The following LHFPL6 variants were observed in gnomAD, a reference collection of about 807,000 sequenced individuals.
LHFPL6 encodes LHFPL tetraspan subfamily member 6.
Under a neutral mutation model 20.6 loss-of-function variants are expected in LHFPL6, and 9 were observed. The observed-to-expected ratio is 0.44, with a 90% CI of 0.26 to 0.76. The LOEUF is 0.76. Among genes scored for constraint, LHFPL6 ranks in the 30% least tolerant of loss-of-function variants. The pLI, the probability that LHFPL6 is intolerant of heterozygous loss-of-function variation, is 0.20. For missense variants in LHFPL6, 218 were observed against 253.5 expected (o/e 0.86, Z 0.95); for synonymous variants, 105 against 98.7 (o/e 1.06, Z -0.38).
chr13:39,524,831 G>A (rs1870237240), intron 2 of LHFPL6, among the ~76,000 whole-genome samples: 1 of 152,168 alleles, frequency 6.6e-6, no homozygotes. Context: ...TGTGCTAAAT[G>A]TTATGAGGAA....
At chr13:39,502,925 C>T (rs951224521) in intron 2 of LHFPL6, among the ~76,000 whole-genome samples, 2 of 152,054 alleles carry the variant, frequency 1.3e-5, no homozygotes, top group Admixed American at 1.3e-4. Flanking sequence ...CAAGGTCTTG[C>T]TCTGTCACCC....
At chr13:39,502,107 A>G (rs1397466999) in intron 2 of LHFPL6, among the ~76,000 whole-genome samples, 3 of 152,140 alleles carry the variant, frequency 2.0e-5, no homozygotes, top group Admixed American at 6.5e-5. Context: ...CAGGCCCTAC[A>G]TGGCTCCCAT....
intron 3 of LHFPL6, among the ~76,000 whole-genome samples, chr13:39,347,447 G>A (rs1038221914): frequency 6.6e-6 from 1 of 152,226 alleles, no homozygotes; most frequent in Non-Finnish European, 1.5e-5. Context: ...CATTTTAAGA[G>A]TAACTCGTGT....
intron 3 of LHFPL6, among the ~76,000 whole-genome samples, chr13:39,347,414 T>C (rs1869439301): frequency 6.6e-6 from 1 of 152,228 alleles, no homozygotes; most frequent in Non-Finnish European, 1.5e-5. Flanking sequence ...AGGCAGCTAA[T>C]ACCTGAAAAA....
intron 2 of LHFPL6, among the ~76,000 whole-genome samples, chr13:39,476,871 G>A (rs1873097100): frequency 6.6e-6 from 1 of 152,172 alleles, no homozygotes; most frequent in Non-Finnish European, 1.5e-5. Flanking sequence ...GTGGGTTTTT[G>A]GGGCCTCATT....
rs150092700 is a variant in LHFPL6 at position 39,398,085 on chromosome 13, G to A, written c.386-19559C>T. 1.6e-3 allele frequency among the ~76,000 whole-genome samples: 248 copies of A among 152,276 alleles called. 1 individual carries two copies. Among genetic ancestry groups the A allele is most frequent in the Non-Finnish European group, 2.7e-3 (184 of 68,024 alleles). On this transcript the variant is annotated intron_variant, in intron 2 of 3. Coordinates refer to ENST00000379589, the MANE Select transcript of LHFPL6 (RefSeq NM_005780.3). Reference sequence around the variant, plus strand: ...TTGGCCAGTCTTCAGGGTGTGTTCCGTGGGCCCTCCTCCGAGGACTGCATG... The same window carrying A: ...TTGGCCAGTCTTCAGGGTGTGTTCCATGGGCCCTCCTCCGAGGACTGCATG...
chr13:39,440,862 A>C (rs536715306), intron 2 of LHFPL6, among the ~76,000 whole-genome samples: 1 of 152,296 alleles, frequency 6.6e-6, no homozygotes, highest in Admixed American at 6.5e-5. Flanking sequence ...TGTTCTCATG[A>C]TAGTGAATGA....
chr13:39,491,184 C>T (rs1456939541), intron 2 of LHFPL6, among the ~76,000 whole-genome samples: 2 of 152,152 alleles, frequency 1.3e-5, no homozygotes, highest in Non-Finnish European at 2.9e-5. Context: ...ATAAGGTTTA[C>T]AAATTTGGAG....
chr13:39,535,456 T>A (rs1441897992), intron 2 of LHFPL6, among the ~76,000 whole-genome samples: 1 of 152,222 alleles, frequency 6.6e-6, no homozygotes, highest in Non-Finnish European at 1.5e-5. Flanking sequence ...GTACAACAAT[T>A]TTAAAGATTA....
At chr13:39,574,237 C>G (rs1160961318) in intron 2 of LHFPL6, among the ~76,000 whole-genome samples, 1 of 152,152 alleles carries the variant, frequency 6.6e-6, no homozygotes, top group Non-Finnish European at 1.5e-5. Flanking sequence ...AATCCCAGCA[C>G]TTTGGGAGGC....
intron 3 of LHFPL6, among the ~76,000 whole-genome samples, chr13:39,364,665 T>A (rs879232428): frequency 9.2e-5 from 14 of 152,118 alleles, no homozygotes; most frequent in African/African-American, 2.7e-4. Flanking sequence ...TCTTTTTTTT[T>A]AATTAACTGT....
In LHFPL6 at chr13:39,435,749, A is replaced by G. The variant is rs564881559; in HGVS notation, c.386-57223T>C. ...AGTTTTGGTGTGACATCAAAGAAGA[A>G]TATTCAAAATTATCTCAAAATGCTA... is the stretch of plus-strand genomic sequence containing the variant. On this transcript the variant is annotated intron_variant, in intron 2 of 3. Coordinates refer to ENST00000379589, the MANE Select transcript of LHFPL6 (RefSeq NM_005780.3). Among the ~76,000 whole-genome samples, 117 of 152,292 alleles carry G rather than the reference A, an allele frequency of 7.7e-4. 3 individuals are homozygous for G. Among genetic ancestry groups the G allele is most frequent in the African/African-American group, 2.4e-3 (101 of 41,570 alleles).
intron 2 of LHFPL6, among the ~76,000 whole-genome samples, chr13:39,508,449 C>T (rs1469179721): frequency 6.6e-6 from 1 of 152,208 alleles, no homozygotes; most frequent in African/African-American, 2.4e-5. Flanking sequence ...GATCACATTT[C>T]CTCATACTAC....
At chr13:39,511,466 T>TAAAAAAAAA (rs67885553) in intron 2 of LHFPL6, among the ~76,000 whole-genome samples, 2 of 140,828 alleles carry the variant, frequency 1.4e-5, no homozygotes, top group Non-Finnish European at 3.1e-5. Flanking sequence ...TTTAAATTCT[T>TAAAAAAAAA]AAAAAAAAAA....
At chr13:39,441,823 C>CTTTT (rs1168860757) in intron 2 of LHFPL6, among the ~76,000 whole-genome samples, 38 of 110,044 alleles carry the variant, frequency 3.5e-4, no homozygotes, top group African/African-American at 5.6e-4. Flanking sequence ...TGGGCTAAAA[C>CTTTT]TTTTTTTTTT....
At chr13:39,441,597 T>C (rs1330418803) in intron 2 of LHFPL6, among the ~76,000 whole-genome samples, 4 of 151,910 alleles carry the variant, frequency 2.6e-5, no homozygotes, top group African/African-American at 9.7e-5. Flanking sequence ...CCTGCAGCCT[T>C]GACCTCCTGG....
chr13:39,566,547 C>T (rs892769697), intron 2 of LHFPL6, among the ~76,000 whole-genome samples: 2 of 151,634 alleles, frequency 1.3e-5, no homozygotes, highest in East Asian at 3.9e-4. Flanking sequence ...TTGAGACGAG[C>T]CTAGGCAACA....
chr13:39,415,500 GAA>G (rs71077296), intron 2 of LHFPL6, among the ~76,000 whole-genome samples: 8,985 of 145,200 alleles, frequency 0.062, 400 homozygotes, highest in East Asian at 0.22. Flanking sequence ...TAAAAATACT[GAA>G]AAAAAAAAAA....
At chr13:39,480,483 G>A (rs115637134) in intron 2 of LHFPL6, among the ~76,000 whole-genome samples, 1 of 152,308 alleles carries the variant, frequency 6.6e-6, no homozygotes, top group African/African-American at 2.4e-5. Flanking sequence ...GTAAGAAGGA[G>A]ATACCAAGGC....
Sources: allele counts gnomAD v4.1 joint callset (sites outside exome capture counted in the v4.1 genomes callset), GRCh38; gene constraint gnomAD v4.1.1; transcripts MANE v1.5; gene names NCBI Gene and HGNC (gene_info 2026-07-23, HGNC 2026-07-21).